NCALD: variants seen among roughly 807,000 people sequenced by gnomAD.
The protein encoded by NCALD is neurocalcin-delta.
In NCALD, 10 loss-of-function variants were observed where a neutral mutation model predicts 18.6. That is an observed-to-expected ratio of 0.54 (90% CI 0.33 to 0.91). The LOEUF is 0.91. Among genes scored for constraint, NCALD ranks in the 40% least tolerant of loss-of-function variants. The pLI is 0.03. For synonymous variants in NCALD, 88 were observed against 87.4 expected (o/e 1.01, Z -0.04); for missense variants, 184 against 247.6 (o/e 0.74, Z 1.72).
intron 1 of NCALD, among the ~76,000 whole-genome samples, chr8:102,024,328 A>G (rs1822381985): frequency 6.6e-6 from 1 of 152,242 alleles, no homozygotes; most frequent in East Asian, 1.9e-4. Context: ...CTTTATAAAT[A>G]GTTTGCATGC....
intron 2 of NCALD, among the ~76,000 whole-genome samples, chr8:101,922,918 G>T (rs1818215834): frequency 6.6e-6 from 1 of 152,054 alleles, no homozygotes; most frequent in Admixed American, 6.6e-5. Flanking sequence ...CATGAATGTG[G>T]TCTCTATTTC....
At position 101,797,126 on chromosome 8, in the gene NCALD, G is replaced by A. The variant is rs183724595; in HGVS notation, c.-19-77478C>T. Reference sequence around the variant, plus strand: ...AACTAGGCTGTGCCCTGATGTCCTTGGGCACATGTTATCAGGACTTCCTGA... The same window carrying A: ...AACTAGGCTGTGCCCTGATGTCCTTAGGCACATGTTATCAGGACTTCCTGA... On this transcript the variant is annotated intron_variant, in intron 4 of 6. Coordinates refer to the NCALD transcript ENST00000311028. Among the ~76,000 whole-genome samples the A allele has an allele frequency of 2.2e-3, 335 of 152,278 alleles. 4 individuals are homozygous for A. The highest frequency in any genetic ancestry group is 7.7e-3 in the African/African-American group (320 of 41,562).
chr8:102,076,556 A>G (rs893593090), intron 1 of NCALD, among the ~76,000 whole-genome samples: 4 of 152,252 alleles, frequency 2.6e-5, no homozygotes, highest in African/African-American at 9.6e-5. Context: ...TCCACAGTTT[A>G]TATGTGAGAA....
chr8:101,961,475 C>G (rs1403237465), intron 2 of NCALD, among the ~76,000 whole-genome samples: 2 of 152,148 alleles, frequency 1.3e-5, no homozygotes, highest in African/African-American at 4.8e-5. Flanking sequence ...GTTTCCAGTC[C>G]TGTCCAACGA....
chr8:101,843,693 C>T (rs1200911567), intron 4 of NCALD, among the ~76,000 whole-genome samples: 1 of 148,516 alleles, frequency 6.7e-6, no homozygotes, highest in African/African-American at 2.5e-5. Context: ...TCCTGTGTCT[C>T]AGCCTCTGGA....
chr8:102,086,010 G>T (rs1223498756), intron 1 of NCALD, among the ~76,000 whole-genome samples: 2 of 152,082 alleles, frequency 1.3e-5, no homozygotes. Context: ...CATTTTTGCA[G>T]TGTTAAGGAT....
intron 4 of NCALD, among the ~76,000 whole-genome samples, chr8:101,875,217 C>T (rs1245830166): frequency 6.6e-6 from 1 of 152,104 alleles, no homozygotes; most frequent in Non-Finnish European, 1.5e-5. Flanking sequence ...TCATTTGTTC[C>T]ACATCCCACA....
At chr8:102,026,301 C>T (rs556612168) in intron 1 of NCALD, among the ~76,000 whole-genome samples, 13 of 152,292 alleles carry the variant, frequency 8.5e-5, no homozygotes, top group African/African-American at 2.9e-4. Flanking sequence ...TGAGACAAGG[C>T]AAGTTCCTTC....
chr8:102,015,279 C>T (rs1822045613), intron 2 of NCALD, among the ~76,000 whole-genome samples: 1 of 152,052 alleles, frequency 6.6e-6, no homozygotes, highest in Non-Finnish European at 1.5e-5. Context: ...TCTTCCTCTC[C>T]CCCTTACCCC....
chr8:101,883,830 G>A (rs1816576450), intron 4 of NCALD, among the ~76,000 whole-genome samples: 1 of 152,138 alleles, frequency 6.6e-6, no homozygotes, highest in African/African-American at 2.4e-5. Flanking sequence ...TGTTCCACTA[G>A]AATTTCAGAT....
intron 1 of NCALD, among the ~76,000 whole-genome samples, chr8:102,116,655 TTTTACTTATTTTTATCTA>T (rs1352170308): frequency 2.6e-5 from 4 of 152,036 alleles, no homozygotes; most frequent in African/African-American, 2.4e-5. Context: ...ATTTTTTTTC[TTTTACTTATTTTTATCTA>T]TTTATTTATT....
At chr8:101,739,968 T>C (rs1461281347) in intron 1 of NCALD, among the ~76,000 whole-genome samples, 2 of 152,234 alleles carry the variant, frequency 1.3e-5, no homozygotes, top group Non-Finnish European at 2.9e-5. Context: ...AGGCCATTGA[T>C]TTGGGTCTGT....
At chr8:102,090,189 A>C (rs1030536889) in intron 1 of NCALD, among the ~76,000 whole-genome samples, 4 of 152,228 alleles carry the variant, frequency 2.6e-5, no homozygotes, top group African/African-American at 9.6e-5. Flanking sequence ...TATGTGTTCC[A>C]AAATTATGAG....
At chr8:101,970,156 C>A (rs1820186312) in intron 2 of NCALD, among the ~76,000 whole-genome samples, 1 of 152,210 alleles carries the variant, frequency 6.6e-6, no homozygotes, top group Non-Finnish European at 1.5e-5. Flanking sequence ...CAGATCATTT[C>A]TTAGCCCAAG....
chr8:101,758,743 T>C (rs942027066), intron 1 of NCALD, among the ~76,000 whole-genome samples: 1 of 152,230 alleles, frequency 6.6e-6, no homozygotes, highest in African/African-American at 2.4e-5. Flanking sequence ...CCTCACAGGA[T>C]TATGAACACC....
chr8:101,919,419 T>C (rs1818085370), intron 2 of NCALD, among the ~76,000 whole-genome samples: 1 of 152,076 alleles, frequency 6.6e-6, no homozygotes, highest in Non-Finnish European at 1.5e-5. Context: ...CCTCAAACTA[T>C]AAGAATCCTA....
chr8:101,901,429 T>A (rs1315255684), intron 3 of NCALD, among the ~76,000 whole-genome samples: 2 of 152,140 alleles, frequency 1.3e-5, no homozygotes, highest in African/African-American at 4.8e-5. Context: ...CTACTTTTTT[T>A]CCTTTATTTT....
chr8:102,087,829 T>G (rs1169692691), intron 1 of NCALD, among the ~76,000 whole-genome samples: 1 of 152,136 alleles, frequency 6.6e-6, no homozygotes. Context: ...CCTGAACTTT[T>G]GAGAAATGGC....
At chr8:101,769,594 T>G (rs1215089629) in intron 1 of NCALD, among the ~76,000 whole-genome samples, 1 of 151,928 alleles carries the variant, frequency 6.6e-6, no homozygotes, top group African/African-American at 2.4e-5. Flanking sequence ...TAGAAGTAAA[T>G]GCACATTTAT....
Sources: gnomAD v4.1 joint callset for allele counts (sites outside exome capture counted in the v4.1 genomes callset) on GRCh38, gnomAD v4.1.1 for gene constraint, MANE v1.5 for transcripts, NCBI Gene and HGNC (gene_info 2026-07-23, HGNC 2026-07-21) for gene names.